The following CPAP variants were observed in gnomAD, a reference collection of about 807,000 sequenced individuals.
CPAP encodes the protein centrosome assembly and centriole elongation protein.
the CPAP span, among the ~76,000 whole-genome samples, chr13:24,928,101 A>G: frequency 6.6e-6 from 1 of 152,186 alleles, no homozygotes; most frequent in Non-Finnish European, 1.5e-5. Flanking sequence ...TTATGTCTGT[A>G]CTGAATAAAA....
At chr13:24,924,068 C>A in the CPAP span, among the ~76,000 whole-genome samples, 1 of 152,080 alleles carries the variant, frequency 6.6e-6, no homozygotes, top group Non-Finnish European at 1.5e-5. Context: ...CTTCTGACCT[C>A]GTGATCCGCC....
At chr13:24,884,869 C>T in the CPAP span, among the ~76,000 whole-genome samples, 20 of 152,148 alleles carry the variant, frequency 1.3e-4, no homozygotes, top group African/African-American at 4.6e-4. Flanking sequence ...AAAAAATTCC[C>T]TCATCACCTC....
At chr13:24,884,263 C>T in the CPAP span, 9 of 1,614,056 alleles carry the variant, frequency 5.6e-6, no homozygotes, top group Non-Finnish European at 7.6e-6. Context: ...GACACACAGT[C>T]AGTCTGCCTT....
At chr13:24,902,186 G>A in the CPAP span, among the ~76,000 whole-genome samples, 7 of 151,922 alleles carry the variant, frequency 4.6e-5, no homozygotes, top group African/African-American at 1.4e-4. Flanking sequence ...GTCTAAATTC[G>A]AGGACTGAAT....
the CPAP span, among the ~76,000 whole-genome samples, chr13:24,931,513 G>C: frequency 2.0e-5 from 3 of 151,792 alleles, no homozygotes; most frequent in African/African-American, 7.3e-5. Flanking sequence ...TGTGGAGTCA[G>C]GATTCAAAGC....
the CPAP span, among the ~76,000 whole-genome samples, chr13:24,931,392 GTCTC>G: frequency 7.3e-6 from 1 of 137,104 alleles, no homozygotes; most frequent in Non-Finnish European, 1.5e-5. Context: ...GGAAACCAGA[GTCTC>G]TCTCCTCCCC....
chr13:24,883,941 T>C, the CPAP span: 92 of 1,614,076 alleles, frequency 5.7e-5, 1 homozygote, highest in Middle Eastern at 6.6e-4. Flanking sequence ...GTGGTTTTTC[T>C]GTGAACATAA....
At chr13:24,888,448 T>C in the CPAP span, among the ~76,000 whole-genome samples, 3 of 152,190 alleles carry the variant, frequency 2.0e-5, no homozygotes, top group African/African-American at 7.2e-5. Context: ...GCTGACTAAA[T>C]GTAAGAAAAC....
chr13:24,887,068 G>T, the CPAP span, among the ~76,000 whole-genome samples: 1 of 152,138 alleles, frequency 6.6e-6, no homozygotes, highest in Non-Finnish European at 1.5e-5. Flanking sequence ...GGAATACACA[G>T]TGCTGGAATA....
chr13:24,885,673 A>G, the CPAP span: 11 of 1,608,854 alleles, frequency 6.8e-6, no homozygotes, highest in South Asian at 2.2e-5. Flanking sequence ...TGGATTGCCT[A>G]TTAGAATAAA....
At chr13:24,883,194 T>C in the CPAP span, 2 of 1,614,080 alleles carry the variant, frequency 1.2e-6, no homozygotes, top group Admixed American at 3.3e-5. Flanking sequence ...TCCGTGTCCA[T>C]TAGCACATTA....
At chr13:24,892,880 A>C in the CPAP span, 2 of 1,517,476 alleles carry the variant, frequency 1.3e-6, no homozygotes, top group Non-Finnish European at 1.8e-6. Flanking sequence ...CTCAAAAAAA[A>C]AAAACAAAAA....
chr13:24,899,465 G>A, the CPAP span: 1 of 1,613,668 alleles, frequency 6.2e-7, no homozygotes, highest in Non-Finnish European at 8.5e-7. Context: ...TCTTGCAGCT[G>A]TAGTATACTT....
At chr13:24,911,716 T>G in the CPAP span, among the ~76,000 whole-genome samples, 28 of 151,932 alleles carry the variant, frequency 1.8e-4, no homozygotes, top group Middle Eastern at 3.4e-3. Context: ...TTTTTTTTTT[T>G]TTTAATGAAT....
the CPAP span, chr13:24,892,533 C>A: frequency 6.0e-6 from 5 of 826,698 alleles, no homozygotes; most frequent in Admixed American, 9.0e-5. Flanking sequence ...CTCCCCACTG[C>A]CCCCCCAGCC....
At chr13:24,912,793 T>C in the CPAP span, 1 of 1,614,228 alleles carries the variant, frequency 6.2e-7, no homozygotes, top group Non-Finnish European at 8.5e-7. Flanking sequence ...CTCCAACTTC[T>C]GTTCTTCAAG....
the CPAP span, chr13:24,905,506 T>C: frequency 6.2e-7 from 1 of 1,614,100 alleles, no homozygotes; most frequent in Non-Finnish European, 8.5e-7. Flanking sequence ...CCCTCTTGAC[T>C]GGTGCAATCT....
chr13:24,882,401 T>TTTA, the CPAP span: 1 of 152,104 alleles, frequency 6.6e-6, no homozygotes, highest in South Asian at 2.1e-4. Flanking sequence ...TCTGTAATTA[T>TTTA]TTATTATATA....
chr13:24,892,882 AAAC>A, the CPAP span: 272,133 of 1,420,732 alleles, frequency 0.19, 9,793 homozygotes, highest in Non-Finnish European at 0.22. Context: ...CAAAAAAAAA[AAAC>A]AAAAAGAAAA....
Sources: allele counts gnomAD v4.1 joint callset (sites outside exome capture counted in the v4.1 genomes callset), GRCh38; gene constraint gnomAD v4.1.1; transcripts MANE v1.5; gene names NCBI Gene and HGNC (gene_info 2026-07-23, HGNC 2026-07-21).